Variants in URGCP observed in about 807,000 individuals in gnomAD.
URGCP encodes the protein upregulator of cell proliferation, also known as up-regulator of cell proliferation.
A neutral mutation model predicts 24.6 loss-of-function variants in URGCP; 13 were observed. The ratio of observed to expected loss-of-function variants is 0.53; its 90% CI spans 0.34 to 0.84. The LOEUF (loss-of-function observed/expected upper bound fraction) is 0.84, where lower values mean the gene tolerates loss of function less well. Among genes scored for constraint, URGCP ranks in the 40% least tolerant of loss-of-function variants. The probability of loss-of-function intolerance (pLI) is 0.01; values close to 1 mark genes in which losing one functional copy is unlikely to be tolerated. For synonymous variants in URGCP, 444 were observed against 487.2 expected (o/e 0.91, Z 1.17); for missense variants, 899 against 1,194.3 (o/e 0.75, Z 3.64).
rs753263133 is a variant in URGCP, at chr7:43,877,275, T to A, written c.2188A>T (p.Met730Leu). Reference protein sequence around the residue: ...GKSCGPRGAFMQLITVAEGFS... With the variant: ...GKSCGPRGAFLQLITVAEGFS... ...CCCTCAGCCACTGTGATGAGCTGCA[T>A]GAAGGCCCCTCGAGGACCGCAGCTC... Residue 730 changes from methionine (M) to leucine (L), a missense_variant, in exon 6 of 6, where the codon ATG becomes TTG. Coordinates refer to ENST00000453200, the MANE Select transcript of URGCP (RefSeq NM_001077663.3). 1 of 1,613,966 alleles carries A rather than the reference T, an allele frequency of 6.2e-7. No homozygotes were observed. Among genetic ancestry groups the A allele is most frequent in the Non-Finnish European group, 8.5e-7 (1 of 1,180,012 alleles).
At chr7:43,902,935 G>A (rs542128769) in intron 1 of URGCP, among the ~76,000 whole-genome samples, 6 of 152,214 alleles carry the variant, frequency 3.9e-5, no homozygotes, top group Admixed American at 1.3e-4. Context: ...AGAGAAAACC[G>A]GGAACATTCT....
At position 43,876,531 on chromosome 7, in the gene URGCP, T is replaced by TCC; in HGVS notation, c.*135_*136insGG. ...ACACTGTTGAGGAGACTCCAAACCC[T>TCC]GTCTTTTCCTCGTCTTCTCATGTCG... On this transcript the variant is annotated 3_prime_UTR_variant, in exon 6 of 6. Coordinates refer to ENST00000453200, the MANE Select transcript of URGCP (RefSeq NM_001077663.3). 1 of 970,332 alleles carries TCC rather than the reference T, an allele frequency of 1.0e-6. No individual in the cohort carries two copies. Among genetic ancestry groups the TCC allele is most frequent in the Non-Finnish European group, 1.5e-6 (1 of 647,296 alleles). The allele number at this position is 970,332 out of a possible 1,614,324, so 60.1% of individuals were successfully genotyped here. A position where few individuals can be genotyped will look rare whatever the true frequency, so the allele number is the denominator to read the frequency against.
intron 1 of URGCP, among the ~76,000 whole-genome samples, chr7:43,892,738 A>G (rs2528392): frequency 0.39 from 59,270 of 151,982 alleles, 11,889 homozygotes; most frequent in South Asian, 0.58. Context: ...GACACAAGTC[A>G]ACACACGAGA....
chr7:43,926,246 G>A (rs981430909), exon 1 of URGCP: 10 of 194,912 alleles, frequency 5.1e-5, no homozygotes, highest in Non-Finnish European at 8.3e-5. Context: ...GCGCGTCTCC[G>A]TAAAGCCAAC....
At chr7:43,883,362 A>AT (rs34217938) in intron 3 of URGCP, among the ~76,000 whole-genome samples, 2,382 of 88,212 alleles carry the variant, frequency 0.027, 135 homozygotes, top group Admixed American at 0.08. Flanking sequence ...ATATATATAT[A>AT]TTTTTTTTTT....
intron 3 of URGCP, among the ~76,000 whole-genome samples, chr7:43,883,877 C>A (rs191953953): frequency 6.6e-6 from 1 of 152,156 alleles, no homozygotes; most frequent in African/African-American, 2.4e-5. Flanking sequence ...ACAAGATCCA[C>A]ACACATCAAC....
chr7:43,900,546 C>T (rs2095888741), intron 1 of URGCP, among the ~76,000 whole-genome samples: 1 of 151,664 alleles, frequency 6.6e-6, no homozygotes, highest in Admixed American at 6.6e-5. Context: ...ATCTGACCTA[C>T]AGTGAGAAGG....
intron 1 of URGCP, among the ~76,000 whole-genome samples, chr7:43,914,140 C>T (rs955343710): frequency 2.6e-5 from 4 of 152,186 alleles, no homozygotes; most frequent in Non-Finnish European, 2.9e-5. Flanking sequence ...ACTACAGGTG[C>T]TTGCCACCAC....
rs1011836180 is a variant in URGCP at position 43,887,287 on chromosome 7, C to G, written c.112+128G>C. ...CTTCTTGTAAAAGGAAAAATAAAAG[C>G]CTTAAACTTATTTATTTTTGAGATG... On this transcript the variant is annotated intron_variant, in intron 3 of 5. Transcript: ENST00000453200. The G allele has an allele frequency of 8.4e-6, 9 of 1,073,892 alleles. No individual in the cohort carries two copies. In the East Asian group the frequency reaches 1.3e-4, roughly 16 times the overall value. The allele number at this position is 1,073,892 out of a possible 1,614,324, so 66.5% of individuals were successfully genotyped here. A position where few individuals can be genotyped will look rare whatever the true frequency, so the allele number is the denominator to read the frequency against.
intron 1 of URGCP, among the ~76,000 whole-genome samples, chr7:43,921,904 T>C (rs1271702285): frequency 3.3e-5 from 5 of 152,172 alleles, no homozygotes; most frequent in Non-Finnish European, 5.9e-5. Flanking sequence ...TTTTCTTTTT[T>C]TTTTTGAGAT....
chr7:43,886,974 G>C (rs2095863147), intron 3 of URGCP, among the ~76,000 whole-genome samples: 1 of 152,000 alleles, frequency 6.6e-6, no homozygotes, highest in Non-Finnish European at 1.5e-5. Flanking sequence ...GTGTGCTCTG[G>C]GACAATCCCA....
chr7:43,918,231 A>G (rs901390353), intron 1 of URGCP, among the ~76,000 whole-genome samples: 3 of 149,512 alleles, frequency 2.0e-5, no homozygotes, highest in South Asian at 2.1e-4. Flanking sequence ...TGGAGATCAC[A>G]CTGCTGCACT....
chr7:43,877,337 A>G lies in URGCP; in HGVS notation c.2126T>C (p.Leu709Pro). 1 of 1,612,784 alleles carries G rather than the reference A, an allele frequency of 6.2e-7. No individual in the cohort carries two copies. The highest frequency in any genetic ancestry group is 1.3e-5 in the African/African-American group (1 of 75,046). Residue 709 changes from leucine to proline, a missense_variant, in exon 6 of 6, where the codon CTC (leucine) becomes CCC (proline). Leu to Pro is a moderately conservative substitution (Grantham distance 98). Transcript: ENST00000453200. ...GVPGTGKSTLLNTMFGLRFAT... is the reference protein window; with the variant it reads ...GVPGTGKSTLPNTMFGLRFAT... ...AAACCGCAGCCCAAACATGGTGTTG[A>G]GGAGTGTGGACTTGCCCGTGCCTGG...
intron 1 of URGCP, among the ~76,000 whole-genome samples, chr7:43,891,157 C>T (rs1182800007): frequency 6.6e-6 from 1 of 152,090 alleles, no homozygotes; most frequent in Non-Finnish European, 1.5e-5. Context: ...CTGGACAGTC[C>T]ATCCATGCCT....
chr7:43,920,918 C>T (rs767251736), intron 1 of URGCP, among the ~76,000 whole-genome samples: 1 of 152,148 alleles, frequency 6.6e-6, no homozygotes, highest in Non-Finnish European at 1.5e-5. Flanking sequence ...CTTAAAGGGC[C>T]CCACTCGAGG....
intron 5 of URGCP, chr7:43,881,286 A>C (rs1199017738): frequency 4.3e-6 from 3 of 700,298 alleles, no homozygotes; most frequent in African/African-American, 3.5e-5. Context: ...CTGCAAATGA[A>C]GGCGTTGGAC....
Position 43,878,817 on chromosome 7 carries a change from C to A in URGCP, c.646G>T (p.Val216Leu). 1.2e-6 allele frequency: 2 copies of A among 1,614,058 alleles called. No homozygotes were observed. The highest frequency in any genetic ancestry group is 1.7e-6 in the Non-Finnish European group (2 of 1,179,964). Residue 216 changes from valine (V) to leucine (L), a missense_variant, in exon 6 of 6, where the codon GTG becomes TTG. Val to Leu is a conservative substitution (Grantham distance 32). Transcript: ENST00000453200. This position sits in a 1 kb window ranked among gnomAD's most constrained non-coding sequence, Gnocchi z 5.6. The stretch of plus-strand genomic sequence containing the variant: ...TAGTGGTTCTCCGAGTCAGGCAACA[C>A]GAGTGGGAGTGCAAACTGGCAGAGG... ...MALCQFALPL[V>L]LPDSENHYHT...
At chr7:43,918,607 G>C in intron 1 of URGCP, 1 of 518,826 alleles carries the variant, frequency 1.9e-6, no homozygotes, top group Non-Finnish European at 3.5e-6. Flanking sequence ...CTTAAAGAGC[G>C]CTCAGCTTAA....
At chr7:43,923,012 G>A (rs553835823) in intron 1 of URGCP, among the ~76,000 whole-genome samples, 4 of 145,046 alleles carry the variant, frequency 2.8e-5, no homozygotes, top group South Asian at 2.2e-4. Flanking sequence ...AAGGAGTCTC[G>A]CTCTGTTGCC....
Sources: gnomAD v4.1 joint callset for allele counts (sites outside exome capture counted in the v4.1 genomes callset) on GRCh38, gnomAD v4.1.1 for gene constraint, Gnocchi (gnomAD v3.1) non-coding constraint, MANE v1.5 for transcripts, NCBI Gene and HGNC (gene_info 2026-07-23, HGNC 2026-07-21) for gene names.